DCAF8L2: variants seen among roughly 807,000 people sequenced by gnomAD.
The protein encoded by DCAF8L2 is DDB1 and CUL4 associated factor 8 like 2.
For missense variants in DCAF8L2, 430 were observed against 490.7 expected (o/e 0.88, Z 1.17); for synonymous variants, 200 against 190.9 (o/e 1.05, Z -0.39).
the DCAF8L2 span, among the ~76,000 whole-genome samples, chrX:27,585,264 C>G: frequency 9.0e-6 from 1 of 111,210 alleles, no homozygotes; most frequent in Admixed American, 9.6e-5. Context: ...CCTAATCTTA[C>G]TTGTAGTCTC....
chrX:27,694,054 T>C (rs988209817), intron 3 of DCAF8L2, among the ~76,000 whole-genome samples: 3 of 112,220 alleles, frequency 2.7e-5, no homozygotes, highest in Admixed American at 1.9e-4. Context: ...ATCATGTCCT[T>C]AGCAGCAAAA....
Position 27,748,759 on chromosome X carries a change from G to A in DCAF8L2, c.1864G>A (p.Val622Ile), listed in dbSNP as rs776397820. 38 of 1,202,875 alleles carry A rather than the reference G, an allele frequency of 3.2e-5. No individual in the cohort carries two copies. The South Asian group carries it at 6.7e-4, about 21-fold the overall frequency. Residue 622 changes from valine to isoleucine, a missense_variant, in exon 5 of 5, where the codon GTC becomes ATC. Physicochemically the swap from Val to Ile is conservative, Grantham distance 29 (BLOSUM62 3). Coordinates refer to ENST00000451261, the MANE Select transcript of DCAF8L2 (RefSeq NM_001353450.2). ...CACTTCAGAGACATCTGAGGAGGAG[G>A]TCCAAGACCGAGTGCAGTGCATGCC... ...SSTSETSEEE[V>I]QDRVQCMPS
chrX:27,500,473 T>G, the DCAF8L2 span, among the ~76,000 whole-genome samples: 9 of 111,871 alleles, frequency 8.0e-5, no homozygotes, highest in African/African-American at 2.9e-4. Flanking sequence ...ATGTAGCATG[T>G]CACATAGGGC....
At chrX:27,711,203 G>A (rs1021041749) in intron 3 of DCAF8L2, among the ~76,000 whole-genome samples, 2 of 110,263 alleles carry the variant, frequency 1.8e-5, no homozygotes, top group African/African-American at 6.6e-5. Flanking sequence ...TTTATATATG[G>A]TGGACTTAGA....
At chrX:27,529,641 A>C in the DCAF8L2 span, among the ~76,000 whole-genome samples, 1 of 112,187 alleles carries the variant, frequency 8.9e-6, no homozygotes, top group East Asian at 2.8e-4. Flanking sequence ...AAAACCAATT[A>C]GTGATAGATA....
rs772437899 is a variant in DCAF8L2, at chrX:27,662,948, CCTT to C, written c.-219-14886_-219-14884del. On this transcript the variant is annotated intron_variant, in intron 2 of 4. Coordinates refer to ENST00000451261, the MANE Select transcript of DCAF8L2 (RefSeq NM_001353450.2). ...TAAAAATAATTATATTTTTACTTGACCTTCATCTCCAATTAGAATATGAGTTGT... is the reference window on the plus strand; with the variant it reads ...TAAAAATAATTATATTTTTACTTGACCATCTCCAATTAGAATATGAGTTGT... 7.5e-4 allele frequency among the ~76,000 whole-genome samples: 84 copies of C among 111,599 alleles called. 1 individual carries two copies. Among genetic ancestry groups the C allele is most frequent in the Non-Finnish European group, 1.4e-3 (73 of 53,061 alleles).
At chrX:27,560,042 T>G in the DCAF8L2 span, among the ~76,000 whole-genome samples, 47 of 109,852 alleles carry the variant, frequency 4.3e-4, no homozygotes, top group African/African-American at 1.6e-3. Context: ...CCTAGGCAGG[T>G]GGATCACGAG....
At chrX:27,720,283 C>A (rs1931847754) in intron 4 of DCAF8L2, among the ~76,000 whole-genome samples, 1 of 111,999 alleles carries the variant, frequency 8.9e-6, no homozygotes, top group Admixed American at 9.4e-5. Context: ...ATTATTTTAT[C>A]GTTATAGTGA....
the DCAF8L2 span, among the ~76,000 whole-genome samples, chrX:27,578,998 C>T: frequency 1.8e-5 from 2 of 111,285 alleles, no homozygotes; most frequent in East Asian, 2.8e-4. Context: ...AAGACAGTGG[C>T]GATTCCTCAA....
At chrX:27,544,661 A>G in the DCAF8L2 span, among the ~76,000 whole-genome samples, 2 of 112,385 alleles carry the variant, frequency 1.8e-5, no homozygotes, top group African/African-American at 6.5e-5. Flanking sequence ...GATCCCTTAT[A>G]TGTGATTTAC....
Position 27,606,305 on chromosome X carries a change from TTA to T in DCAF8L2, c.-342+15876_-342+15877del, listed in dbSNP as rs764736566. 6.7e-3 allele frequency among the ~76,000 whole-genome samples: 491 copies of T among 73,608 alleles called. 14 individuals carry two copies. The East Asian group carries it at 0.082, about 12-fold the overall frequency. 63.9% of individuals were successfully genotyped at this position (73,608 alleles called of 115,157 possible). A position where few individuals can be genotyped will look rare whatever the true frequency, so the allele number is the denominator to read the frequency against. Reference sequence around the variant, plus strand: ...TATATAGGAATTATATATATATGAATTATATATATATAGGAATTATATATATA... The same window carrying T: ...TATATAGGAATTATATATATATGAATTATATATATAGGAATTATATATATA... On this transcript the variant is annotated intron_variant, in intron 1 of 4. Transcript: ENST00000451261.
At chrX:27,523,623 A>T in the DCAF8L2 span, among the ~76,000 whole-genome samples, 1 of 107,530 alleles carries the variant, frequency 9.3e-6, no homozygotes, top group Admixed American at 1.0e-4. Flanking sequence ...AGTGCTTGGA[A>T]TTTTTTTTTT....
At chrX:27,488,145 TCAA>T in the DCAF8L2 span, among the ~76,000 whole-genome samples, 4 of 111,906 alleles carry the variant, frequency 3.6e-5, no homozygotes, top group African/African-American at 1.3e-4. Context: ...CTCTATATCA[TCAA>T]CAATACTGGC....
intron 3 of DCAF8L2, among the ~76,000 whole-genome samples, chrX:27,710,385 C>A (rs917417809): frequency 4.5e-5 from 5 of 111,157 alleles, no homozygotes; most frequent in African/African-American, 1.6e-4. Flanking sequence ...TTGGGTGTAA[C>A]TTGTATATTA....
chrX:27,642,042 C>G (rs1442724729), intron 2 of DCAF8L2, among the ~76,000 whole-genome samples: 1 of 108,577 alleles, frequency 9.2e-6, no homozygotes, highest in African/African-American at 3.4e-5. Flanking sequence ...GTGCCTGCCA[C>G]CATGCCGGGA....
the DCAF8L2 span, among the ~76,000 whole-genome samples, chrX:27,575,774 A>C: frequency 8.9e-6 from 1 of 112,085 alleles, no homozygotes; most frequent in Non-Finnish European, 1.9e-5. Flanking sequence ...GCCATTATAT[A>C]TGTATCATGC....
At chrX:27,691,619 A>C (rs966574151) in intron 3 of DCAF8L2, among the ~76,000 whole-genome samples, 4 of 111,850 alleles carry the variant, frequency 3.6e-5, no homozygotes, top group African/African-American at 1.3e-4. Context: ...GAGTGATGGA[A>C]TATCCAAAGA....
chrX:27,694,370 T>G (rs987105087), intron 3 of DCAF8L2, among the ~76,000 whole-genome samples: 29 of 111,994 alleles, frequency 2.6e-4, no homozygotes, highest in African/African-American at 9.4e-4. Context: ...TGGAAATTAT[T>G]TTTTAAAATA....
intron 2 of DCAF8L2, among the ~76,000 whole-genome samples, chrX:27,670,650 T>C (rs916174630): frequency 8.1e-5 from 9 of 111,281 alleles, no homozygotes; most frequent in Admixed American, 3.8e-4. Context: ...AAGTCTTATG[T>C]TGAAATCTGA....
Sources: allele counts gnomAD v4.1 joint callset (sites outside exome capture counted in the v4.1 genomes callset), GRCh38; gene constraint gnomAD v4.1.1; transcripts MANE v1.5; gene names NCBI Gene and HGNC (gene_info 2026-07-23, HGNC 2026-07-21).